The following FBXO11 variants were observed in gnomAD, a reference collection of about 807,000 sequenced individuals.
FBXO11 encodes the protein F-box protein 11.
In FBXO11, 13 loss-of-function variants were observed where a neutral mutation model predicts 117.0. That is an observed-to-expected ratio of 0.11 (90% CI 0.07 to 0.18). The LOEUF (loss-of-function observed/expected upper bound fraction) is 0.18, where lower values mean the gene tolerates loss of function less well. Among genes scored for constraint, FBXO11 ranks in the 10% least tolerant of loss-of-function variants. FBXO11 has a pLI of 1.00. For synonymous variants in FBXO11, 490 were observed against 380.5 expected, an observed-to-expected ratio of 1.29 and a Z score of -3.35; for missense variants, 767 against 1,164.4, an observed-to-expected ratio of 0.66 and a Z score of 4.97.
chr2:47,835,916 C>G lies in FBXO11; in HGVS notation c.673G>C (p.Glu225Gln). Residue 225 changes from glutamate (E) to glutamine (Q), a missense_variant, in exon 5 of 23, where the codon GAG (glutamate) becomes CAG (glutamine). This residue lies in a region of FBXO11 where 355 missense variants were observed against 299.8 expected (regional missense o/e 1.18). Transcript: ENST00000403359. ...TTCCAGGGATTTGGATGTTCATACT[C>G]TTCTGGATTAATCTGGTAGAATTTT... The part of the protein sequence containing the change: ...PGKFYQINPE[E>Q]YEHPNPWKES... 1 of 1,611,796 alleles carries G rather than the reference C, an allele frequency of 6.2e-7. No homozygotes were observed. Among genetic ancestry groups the G allele is most frequent in the Non-Finnish European group, 8.5e-7 (1 of 1,178,236 alleles).
rs188487356 is a variant in FBXO11, at chr2:47,870,539, G to A, written c.233-30770C>T. 5.9e-5 allele frequency among the ~76,000 whole-genome samples: 9 copies of A among 152,272 alleles called. No individual in the cohort carries two copies. The East Asian group carries it at 1.7e-3, about 29-fold the overall frequency. On this transcript the variant is annotated intron_variant, in intron 1 of 22. Transcript: ENST00000403359. ...GAGGGAGAATGCTATGTGACAAGAG[G>A]CAGAGACTGAAGTGATGCAGCTGCA... is the stretch of plus-strand genomic sequence containing the variant.
intron 1 of FBXO11, among the ~76,000 whole-genome samples, chr2:47,841,870 A>C (rs565648231): frequency 1.3e-5 from 2 of 151,912 alleles, no homozygotes; most frequent in Middle Eastern, 3.4e-3. Context: ...CTAACTCCTG[A>C]CCTCGTGATC....
intron 12 of FBXO11, 81 bp downstream of exon 12, chr2:47,823,062 A>G (rs1243559914): frequency 1.0e-6 from 1 of 995,296 alleles, no homozygotes; most frequent in African/African-American, 1.6e-5. Flanking sequence ...AAAACTTTCA[A>G]GAGTTAAAGC....
intron 1 of FBXO11, among the ~76,000 whole-genome samples, chr2:47,883,302 C>T (rs1012957503): frequency 2.3e-4 from 35 of 152,138 alleles, no homozygotes; most frequent in Non-Finnish European, 1.6e-4. Flanking sequence ...GCTTCACAGT[C>T]CAAAGACTCT....
rs889246281 is a variant in FBXO11, at chr2:47,807,853, G to A, written c.*265C>T. On this transcript the variant is annotated 3_prime_UTR_variant, in exon 23 of 23. Coordinates refer to ENST00000403359, the MANE Select transcript of FBXO11 (RefSeq NM_001190274.2). ...ACCAGCTTTTCAGAAGTTGGTATCT[G>A]TACAAAATTGCAGCTTATTTTCTTC... The A allele has an allele frequency of 5.9e-6, 2 of 340,508 alleles. No individual in the cohort carries two copies. The highest frequency in any genetic ancestry group is 5.4e-6 in the Non-Finnish European group (1 of 184,890). The allele number at this position is 340,508 out of a possible 1,614,324, so 21.1% of individuals were successfully genotyped here.
In FBXO11 at chr2:47,835,996, C is replaced by T; in HGVS notation, c.593G>A (p.Arg198Gln). 1 of 1,594,824 alleles carries T rather than the reference C, an allele frequency of 6.3e-7. No individual in the cohort carries two copies. The highest frequency in any genetic ancestry group is 8.5e-7 in the Non-Finnish European group (1 of 1,170,662). The change falls in exon 5 of 23, where the codon CGA becomes CAA. Residue 198 changes from arginine to glutamine, a missense_variant. Around this residue, in one of 10 missense-constraint regions of FBXO11, gnomAD observed 355 missense variants for 299.8 expected, o/e 1.18. Coordinates refer to ENST00000403359, the MANE Select transcript of FBXO11 (RefSeq NM_001190274.2). ...ATATTCAAATACTTCCATATATAAT[C>T]GTTTCCTGAACAGAGAAAGGAATTA... is the stretch of plus-strand genomic sequence containing the variant. ...ELANDPILWKRLYMEVFEYTR... is the reference protein window; with the variant it reads ...ELANDPILWKQLYMEVFEYTR...
At chr2:47,858,971 G>A (rs1308156039) in intron 1 of FBXO11, among the ~76,000 whole-genome samples, 5 of 150,240 alleles carry the variant, frequency 3.3e-5, no homozygotes, top group African/African-American at 9.8e-5. Flanking sequence ...TCCGGGAGGC[G>A]GAGGTCGCAG....
chr2:47,861,316 A>AT (rs1674757367), intron 1 of FBXO11, among the ~76,000 whole-genome samples: 1 of 142,630 alleles, frequency 7.0e-6, no homozygotes, highest in Non-Finnish European at 1.5e-5. Context: ...GAATAGTCTG[A>AT]CCTTTTTTTT....
At chr2:47,833,575 T>C (rs1428553714) in intron 7 of FBXO11, among the ~76,000 whole-genome samples, 5 of 152,176 alleles carry the variant, frequency 3.3e-5, no homozygotes, top group Non-Finnish European at 7.3e-5. Flanking sequence ...CTAGCTATCT[T>C]AAAATGTTCT....
intron 1 of FBXO11, among the ~76,000 whole-genome samples, chr2:47,874,943 A>G (rs1032484141): frequency 2.0e-5 from 3 of 151,006 alleles, no homozygotes; most frequent in Admixed American, 2.0e-4. Flanking sequence ...TTGAATGACT[A>G]ACTGGATAAA....
chr2:47,901,655 C>G (rs910231076), intron 1 of FBXO11, among the ~76,000 whole-genome samples: 1 of 150,986 alleles, frequency 6.6e-6, no homozygotes, highest in African/African-American at 2.4e-5. Flanking sequence ...GGCTGGAGTG[C>G]AGTGGTGCAA....
intron 1 of FBXO11, among the ~76,000 whole-genome samples, chr2:47,891,090 C>A (rs1677229474): frequency 6.6e-6 from 1 of 152,010 alleles, no homozygotes; most frequent in Non-Finnish European, 1.5e-5. Flanking sequence ...TCCCAACATG[C>A]TGGGATTACA....
intron 1 of FBXO11, among the ~76,000 whole-genome samples, chr2:47,846,813 T>C (rs537531094): frequency 2.0e-5 from 3 of 152,294 alleles, no homozygotes; most frequent in East Asian, 1.9e-4. Flanking sequence ...TCTTTGAAAA[T>C]AGTACGTATG....
Position 47,837,176 on chromosome 2 carries a change from T to C in FBXO11, c.588-1175A>G, listed in dbSNP as rs17036990. ...TTATCATTTCTGGTACAGTGAGCAA[T>C]GCTGTTTTGTTCTGCTGCTCTTCAT... On this transcript the variant is annotated intron_variant, in intron 4 of 22. Transcript: ENST00000403359. The C allele has an allele frequency of 3.2e-3, 536 of 168,634 alleles. 6 individuals are homozygous for C. Among genetic ancestry groups the C allele is most frequent in the African/African-American group, 0.011 (448 of 41,712 alleles). The allele number at this position is 168,634 out of a possible 1,614,324, so 10.4% of individuals were successfully genotyped here.
At chr2:47,839,204 C>T (rs962025760) in intron 3 of FBXO11, among the ~76,000 whole-genome samples, 1 of 151,622 alleles carries the variant, frequency 6.6e-6, no homozygotes, top group Admixed American at 6.6e-5. Flanking sequence ...GTATTATGTG[C>T]CATCTCAGAA....
rs1670487416 is a variant in FBXO11, at chr2:47,809,845, TA to T, written c.2339-139del. ...TAATGTCTACTGAATAAAATGTAGATACCTATTTCAACCACCAACAGTAACA... is the reference window on the plus strand; with the variant it reads ...TAATGTCTACTGAATAAAATGTAGATCCTATTTCAACCACCAACAGTAACA... On this transcript the variant is annotated intron_variant, in intron 19 of 22. Coordinates refer to ENST00000403359, the MANE Select transcript of FBXO11 (RefSeq NM_001190274.2). 1.2e-5 allele frequency: 7 copies of T among 580,388 alleles called. No homozygotes were observed. The South Asian group carries it at 1.6e-4, about 13-fold the overall frequency. The allele number at this position is 580,388 out of a possible 1,614,324, so 36.0% of individuals were successfully genotyped here.
At chr2:47,816,890 A>G (rs923251571) in intron 16 of FBXO11, among the ~76,000 whole-genome samples, 1 of 152,132 alleles carries the variant, frequency 6.6e-6, no homozygotes, top group Non-Finnish European at 1.5e-5. Flanking sequence ...ATTTAGCATA[A>G]TTCTTAAGGG....
At chr2:47,825,663 A>C (rs542238647) in intron 11 of FBXO11, among the ~76,000 whole-genome samples, 1 of 148,234 alleles carries the variant, frequency 6.7e-6, no homozygotes, top group East Asian at 2.0e-4. Flanking sequence ...TGAAGCCTCA[A>C]TCTCCTGGGC....
intron 1 of FBXO11, among the ~76,000 whole-genome samples, chr2:47,889,965 A>C (rs1677139401): frequency 6.6e-6 from 1 of 152,208 alleles, no homozygotes; most frequent in Non-Finnish European, 1.5e-5. Flanking sequence ...TCTGACGCAA[A>C]AAGAATTTTA....
Sources: gnomAD v4.1 joint callset for allele counts (sites outside exome capture counted in the v4.1 genomes callset) on GRCh38, gnomAD v4.1.1 for gene constraint, gnomAD v4.1.1 regional missense constraint, MANE v1.5 for transcripts, NCBI Gene and HGNC (gene_info 2026-07-23, HGNC 2026-07-21) for gene names.